Variants in MREG observed in about 807,000 individuals in gnomAD.
MREG encodes the protein dilute suppressor protein homolog.
In MREG, 31 loss-of-function variants were observed where a neutral mutation model predicts 28.5. The observed-to-expected ratio is 1.09, with a 90% confidence interval of 0.82 to 1.47. The LOEUF (loss-of-function observed/expected upper bound fraction) is 1.47. Among genes scored for constraint, MREG ranks in the 40% most tolerant of loss-of-function variants. The probability of loss-of-function intolerance (pLI) is 0.00; values close to 1 mark genes in which losing one functional copy is unlikely to be tolerated. For synonymous variants in MREG, 106 were observed against 95.2 expected (o/e 1.11, Z -0.66); for missense variants, 256 against 257.4 (o/e 0.99, Z 0.04).
chr2:215,945,068 C>A (rs1692285682), intron 4 of MREG, 71 bp from the exon 5 acceptor site: 57 of 1,439,620 alleles, frequency 4.0e-5, no homozygotes, highest in Non-Finnish European at 5.1e-5. Flanking sequence ...TGGGAAAAAG[C>A]AATCTAACAA....
intron 1 of MREG, among the ~76,000 whole-genome samples, chr2:215,998,356 C>CAA (rs1358382374): frequency 4.7e-5 from 7 of 150,172 alleles, no homozygotes; most frequent in Non-Finnish European, 1.0e-4. Context: ...ATTGGGACAA[C>CAA]AACCAGGGCC....
chr2:216,017,996 C>CAAAA (rs35615805), upstream of MREG, among the ~76,000 whole-genome samples: 1 of 127,374 alleles, frequency 7.9e-6, no homozygotes. Flanking sequence ...ACTAAAAATA[C>CAAAA]AAAAAAAAAA....
chr2:215,954,638 A>C (rs996008329), intron 2 of MREG, among the ~76,000 whole-genome samples: 2 of 152,168 alleles, frequency 1.3e-5, no homozygotes, highest in Non-Finnish European at 2.9e-5. Flanking sequence ...AAAAAGAAGA[A>C]ACAGAAAAGA....
chr2:215,942,154 C>T (rs1211756517), downstream of MREG, among the ~76,000 whole-genome samples: 4 of 152,158 alleles, frequency 2.6e-5, no homozygotes, highest in African/African-American at 4.8e-5. Flanking sequence ...AGGGTTTTCT[C>T]CTGGTGCATT....
intron 2 of MREG, among the ~76,000 whole-genome samples, chr2:215,967,763 CATGGG>C (rs1692982236): frequency 6.6e-6 from 1 of 152,164 alleles, no homozygotes; most frequent in East Asian, 1.9e-4. Flanking sequence ...TATGTAACCT[CATGGG>C]CACGACTGTG....
In MREG at chr2:215,951,330, G is replaced by A. The variant is rs1040416535; in HGVS notation, c.256-4217C>T. ...TCCCTGGCGTTAGAGCAAGTCTTCCGATGTCCCTCTCCAATTTTTAAATTG... is the reference window on the plus strand; with the variant it reads ...TCCCTGGCGTTAGAGCAAGTCTTCCAATGTCCCTCTCCAATTTTTAAATTG... On this transcript the variant is annotated intron_variant, in intron 2 of 4. Coordinates refer to ENST00000263268, the MANE Select transcript of MREG (RefSeq NM_018000.3). 2.6e-5 allele frequency among the ~76,000 whole-genome samples: 4 copies of A among 152,282 alleles called. 1 individual carries two copies. In the South Asian group the frequency reaches 8.3e-4, roughly 32 times the overall value.
chr2:215,943,153 A>T lies in MREG; in HGVS notation c.*1710T>A. Reference sequence around the variant, plus strand: ...ACAAGTTAGTTTTTAACCTGAATTCAGAAGTGCAAAATCTGTAAAAATAAA... The same window carrying T: ...ACAAGTTAGTTTTTAACCTGAATTCTGAAGTGCAAAATCTGTAAAAATAAA... On this transcript the variant is annotated 3_prime_UTR_variant, in exon 5 of 5. Transcript: ENST00000263268. 3.9e-6 allele frequency: 1 copy of T among 256,806 alleles called. No individual in the cohort carries two copies. The highest frequency in any genetic ancestry group is 4.3e-5 in the South Asian group (1 of 23,042). 15.9% of individuals were successfully genotyped at this position (256,806 alleles called of 1,614,324 possible). A position where few individuals can be genotyped will look rare whatever the true frequency, so the allele number is the denominator to read the frequency against.
chr2:216,013,212 C>G (rs371690699), intron 1 of MREG, 21 bp downstream of exon 1: 1 of 1,546,556 alleles, frequency 6.5e-7, no homozygotes, highest in Non-Finnish European at 8.7e-7. Flanking sequence ...GCCCAGATCC[C>G]GGCCCGGGCG....
chr2:215,980,655 C>T (rs11897166), intron 2 of MREG, among the ~76,000 whole-genome samples: 12,022 of 152,126 alleles, frequency 0.079, 754 homozygotes, highest in East Asian at 0.29. Context: ...AGAGGCTGGG[C>T]GCAGTGGCTC....
chr2:216,012,774 C>A (rs1694346957), intron 1 of MREG, among the ~76,000 whole-genome samples: 1 of 152,132 alleles, frequency 6.6e-6, no homozygotes, highest in African/African-American at 2.4e-5. Flanking sequence ...TTTCCTTATA[C>A]TCAGTCACTG....
chr2:215,945,423 C>A lies in MREG; in HGVS notation c.510+148G>T, dbSNP rs571505695. Reference sequence around the variant, plus strand: ...TTTAGGTGATTCTGATGCTGCGGGCCACTGGGGACCACAGCATATAATGCC... The same window carrying A: ...TTTAGGTGATTCTGATGCTGCGGGCAACTGGGGACCACAGCATATAATGCC... On this transcript the variant is annotated intron_variant, in intron 4 of 4. Coordinates refer to ENST00000263268, the MANE Select transcript of MREG (RefSeq NM_018000.3). 32 of 923,128 alleles carry A rather than the reference C, an allele frequency of 3.5e-5. No homozygotes were observed. The South Asian group carries it at 5.6e-4, about 16-fold the overall frequency. The allele number at this position is 923,128 out of a possible 1,614,324, so 57.2% of individuals were successfully genotyped here.
At chr2:215,982,332 C>T (rs1393561018) in intron 2 of MREG, among the ~76,000 whole-genome samples, 14 of 85,202 alleles carry the variant, frequency 1.6e-4, no homozygotes, top group Admixed American at 8.8e-4. Context: ...AGCAAAACTC[C>T]GTCAAAAAAA....
intron 2 of MREG, among the ~76,000 whole-genome samples, chr2:215,971,017 T>C (rs1432319609): frequency 1.3e-5 from 2 of 152,066 alleles, no homozygotes; most frequent in Non-Finnish European, 2.9e-5. Context: ...GCCATAATTC[T>C]CAGCAAACTA....
chr2:215,946,547 G>A (rs887286804), intron 3 of MREG, among the ~76,000 whole-genome samples: 3 of 152,244 alleles, frequency 2.0e-5, no homozygotes, highest in Admixed American at 6.5e-5. Flanking sequence ...ATGAGGGCAG[G>A]TATCTACCCT....
downstream of MREG, among the ~76,000 whole-genome samples, chr2:215,941,460 A>G (rs1303397553): frequency 6.6e-6 from 1 of 152,190 alleles, no homozygotes; most frequent in Non-Finnish European, 1.5e-5. Flanking sequence ...GTCCTGAAGT[A>G]TCACTGTCAG....
chr2:215,945,580 G>C lies in MREG; in HGVS notation c.501C>G (p.Leu167=). The C allele has an allele frequency of 6.2e-7, 1 of 1,612,866 alleles. No individual in the cohort carries two copies. ...AAAAGCATCCACTTACCACAACAAA[G>C]AGATATCTCTCTGAGAGCTCCCAAC... The part of the protein sequence containing the change: ...PTSWELSERY[L]FVVDRLIALD... Residue 167 remains leucine (L), a synonymous_variant, in exon 4 of 5, where the codon CTC becomes CTG. Coordinates refer to ENST00000263268, the MANE Select transcript of MREG (RefSeq NM_018000.3).
intron 2 of MREG, among the ~76,000 whole-genome samples, chr2:215,979,463 C>CAAAAA (rs747741518): frequency 9.5e-6 from 1 of 105,716 alleles, no homozygotes; most frequent in African/African-American, 4.6e-5. Flanking sequence ...AACTCCATCT[C>CAAAAA]AAAAAATAAT....
chr2:215,979,473 T>TAAA (rs1693356364), intron 2 of MREG, among the ~76,000 whole-genome samples: 1 of 81,654 alleles, frequency 1.2e-5, no homozygotes, highest in South Asian at 3.4e-4. Context: ...CAAAAAATAA[T>TAAA]AATAATAATA....
At chr2:215,954,356 T>C (rs1692562650) in intron 2 of MREG, among the ~76,000 whole-genome samples, 1 of 152,016 alleles carries the variant, frequency 6.6e-6, no homozygotes, top group African/African-American at 2.4e-5. Context: ...ACCTTGTCTT[T>C]TGTCTTTCTT....
Sources: allele counts gnomAD v4.1 joint callset (sites outside exome capture counted in the v4.1 genomes callset), GRCh38; gene constraint gnomAD v4.1.1; transcripts MANE v1.5; gene names NCBI Gene and HGNC (gene_info 2026-07-23, HGNC 2026-07-21).